TENM3: variants seen among roughly 807,000 people sequenced by gnomAD.
TENM3 encodes the protein teneurin-3.
A neutral mutation model predicts 255.1 loss-of-function variants in TENM3; 63 were observed. That is an observed-to-expected ratio of 0.25 (90% CI 0.20 to 0.30). The LOEUF (loss-of-function observed/expected upper bound fraction) is 0.30. Ranked by LOEUF, TENM3 falls within the 10% of genes least tolerant of loss-of-function variation. The pLI, the probability that TENM3 is intolerant of heterozygous loss-of-function variation, is 1.00. For synonymous variants in TENM3, 1,306 were observed against 1,322.3 expected (o/e 0.99, Z 0.27); for missense variants, 2,929 against 3,461.1 (o/e 0.85, Z 3.86).
At chr4:182,099,650 G>A in the TENM3 span, among the ~76,000 whole-genome samples, 7 of 152,192 alleles carry the variant, frequency 4.6e-5, no homozygotes, top group African/African-American at 1.7e-4. Context: ...GGCTGCTTTT[G>A]TACTACAAGG....
the TENM3 span, among the ~76,000 whole-genome samples, chr4:182,099,259 C>T: frequency 4.6e-5 from 7 of 151,972 alleles, no homozygotes; most frequent in Non-Finnish European, 7.4e-5. Context: ...CCGCCATGCC[C>T]GGCCATATGT....
chr4:182,032,941 T>G, the TENM3 span, among the ~76,000 whole-genome samples: 2 of 152,104 alleles, frequency 1.3e-5, no homozygotes, highest in African/African-American at 4.8e-5. Context: ...CTTTTCTTCT[T>G]TATTAGTCTA....
chr4:182,523,046 T>C (rs1233276094), intron 3 of TENM3, among the ~76,000 whole-genome samples: 3 of 152,178 alleles, frequency 2.0e-5, no homozygotes, highest in Admixed American at 6.5e-5. Flanking sequence ...TCCTGATGCT[T>C]CATGATGTTG....
At chr4:182,617,133 A>G (rs1214625805) in intron 4 of TENM3, among the ~76,000 whole-genome samples, 1 of 152,228 alleles carries the variant, frequency 6.6e-6, no homozygotes, top group African/African-American at 2.4e-5. Context: ...AATAGTTAAT[A>G]TCATCTTTCA....
At chr4:181,909,825 C>A in the TENM3 span, among the ~76,000 whole-genome samples, 1 of 152,140 alleles carries the variant, frequency 6.6e-6, no homozygotes, top group African/African-American at 2.4e-5. Context: ...TCACTACAAG[C>A]AGCACATCTT....
intron 4 of TENM3, among the ~76,000 whole-genome samples, chr4:182,622,080 G>A (rs111918634): frequency 2.6e-5 from 4 of 152,074 alleles, no homozygotes; most frequent in South Asian, 2.1e-4. Flanking sequence ...AATAATTGCG[G>A]CAGGGCATGG....
At chr4:182,473,628 G>A (rs1032247828) in intron 3 of TENM3, among the ~76,000 whole-genome samples, 5 of 152,058 alleles carry the variant, frequency 3.3e-5, no homozygotes, top group South Asian at 2.1e-4. Context: ...AGCCGAGATC[G>A]CGCCGCTGCA....
At chr4:182,115,975 C>A in the TENM3 span, among the ~76,000 whole-genome samples, 17 of 152,260 alleles carry the variant, frequency 1.1e-4, no homozygotes, top group South Asian at 3.5e-3. Context: ...TCCTGTCCCC[C>A]CTACAATCAA....
At chr4:182,745,109 A>G (rs1054552485) in intron 19 of TENM3, among the ~76,000 whole-genome samples, 3 of 152,238 alleles carry the variant, frequency 2.0e-5, no homozygotes, top group South Asian at 2.1e-4. Context: ...GAATAAGTCA[A>G]CATAACCCAT....
the TENM3 span, among the ~76,000 whole-genome samples, chr4:182,121,578 A>C: frequency 1.3e-5 from 2 of 152,252 alleles, no homozygotes; most frequent in African/African-American, 4.8e-5. Flanking sequence ...CCCAGTGCAT[A>C]TAAAAGTTAT....
chr4:181,567,904 A>G, the TENM3 span, among the ~76,000 whole-genome samples: 1 of 152,180 alleles, frequency 6.6e-6, no homozygotes, highest in South Asian at 2.1e-4. Context: ...TGGAGCTCAT[A>G]TCTTCATCTT....
At chr4:182,473,632 C>G (rs182874173) in intron 3 of TENM3, among the ~76,000 whole-genome samples, 15 of 151,932 alleles carry the variant, frequency 9.9e-5, no homozygotes, top group Non-Finnish European at 1.6e-4. Flanking sequence ...GAGATCGCGC[C>G]GCTGCACTCC....
chr4:181,976,365 C>G, the TENM3 span: 1 of 152,210 alleles, frequency 6.6e-6, no homozygotes, highest in Non-Finnish European at 1.5e-5. Context: ...GGTGATCTGC[C>G]TCCTCAGCCT....
chr4:182,762,314 C>T (rs1003503112), intron 22 of TENM3, among the ~76,000 whole-genome samples: 1 of 152,168 alleles, frequency 6.6e-6, no homozygotes, highest in Admixed American at 6.5e-5. Flanking sequence ...TCTTTAAACT[C>T]GTTCTGCAAC....
intron 3 of TENM3, among the ~76,000 whole-genome samples, chr4:182,365,051 C>T (rs542340677): frequency 2.0e-5 from 3 of 152,166 alleles, no homozygotes; most frequent in Non-Finnish European, 4.4e-5. Context: ...GTGCCTTTTC[C>T]CCCAGGGCAC....
chr4:182,366,833 C>T (rs1055961827), intron 3 of TENM3, among the ~76,000 whole-genome samples: 4 of 152,060 alleles, frequency 2.6e-5, no homozygotes, highest in African/African-American at 7.2e-5. Context: ...ATGGAAGTTA[C>T]ATTTGATGTC....
the TENM3 span, among the ~76,000 whole-genome samples, chr4:181,527,224 T>G: frequency 6.6e-6 from 1 of 152,254 alleles, no homozygotes; most frequent in African/African-American, 2.4e-5. Context: ...TTTGAAAGTT[T>G]TTAACTTTTA....
chr4:181,780,375 C>T, the TENM3 span, among the ~76,000 whole-genome samples: 6 of 152,184 alleles, frequency 3.9e-5, no homozygotes, highest in Non-Finnish European at 8.8e-5. Context: ...ATTTGCATTT[C>T]TCTGATGGCC....
At chr4:182,002,914 C>T in the TENM3 span, among the ~76,000 whole-genome samples, 6 of 152,150 alleles carry the variant, frequency 3.9e-5, no homozygotes, top group East Asian at 1.9e-4. Context: ...AAGCTCAAAT[C>T]GGCCTTGACT....
Sources: allele counts gnomAD v4.1 joint callset (sites outside exome capture counted in the v4.1 genomes callset), GRCh38; gene constraint gnomAD v4.1.1; transcripts MANE v1.5; gene names NCBI Gene and HGNC (gene_info 2026-07-23, HGNC 2026-07-21).